Variants in WDR75 observed in about 807,000 individuals in gnomAD.
WDR75 encodes WD repeat-containing protein 75.
In WDR75, 52 loss-of-function variants were observed where a neutral mutation model predicts 106.1. The ratio of observed to expected loss-of-function variants is 0.49; its 90% CI spans 0.39 to 0.62. WDR75 has a LOEUF of 0.62. WDR75 is among the 20% of genes least tolerant of loss of function. The pLI, the probability that WDR75 is intolerant of heterozygous loss-of-function variation, is 0.00. For synonymous variants in WDR75, 333 were observed against 335.5 expected (o/e 0.99, Z 0.08); for missense variants, 905 against 970.3 (o/e 0.93, Z 0.89).
intron 15 of WDR75, 79 bp downstream of exon 15, chr2:189,468,648 G>C: frequency 7.1e-7 from 1 of 1,412,346 alleles, no homozygotes; most frequent in Non-Finnish European, 1.0e-6. Context: ...TTAGGACTTA[G>C]GGATCATATC....
intron 3 of WDR75, 111 bp downstream of exon 3, chr2:189,451,079 A>G (rs775136502): frequency 7.7e-7 from 1 of 1,302,720 alleles, no homozygotes; most frequent in Non-Finnish European, 9.9e-7. Context: ...CTTCCTAAAC[A>G]AGTTACAAAA....
chr2:189,466,279 A>C, intron 12 of WDR75, 146 bp from the exon 13 acceptor site: 1 of 841,822 alleles, frequency 1.2e-6, no homozygotes, highest in Non-Finnish European at 1.9e-6. Flanking sequence ...CATTAGAGGT[A>C]GAGCACTCAA....
At chr2:189,467,903 A>G (rs934697608) in intron 14 of WDR75, among the ~76,000 whole-genome samples, 1 of 152,150 alleles carries the variant, frequency 6.6e-6, no homozygotes, top group African/African-American at 2.4e-5. Context: ...CTGAATGGTA[A>G]CAGAAGCTAT....
chr2:189,457,959 T>C (rs1034227702), intron 6 of WDR75, among the ~76,000 whole-genome samples: 17 of 136,006 alleles, frequency 1.2e-4, no homozygotes, highest in Non-Finnish European at 7.7e-5. Flanking sequence ...GGAGTCTTGC[T>C]CTGTCGCCCA....
rs771231536 is a variant in WDR75, at chr2:189,451,787, G to A, written c.283-18G>A. On this transcript the variant is annotated intron_variant, in intron 3 of 20. Transcript: ENST00000314761. Reference sequence around the variant, plus strand: ...GAGGGAACAGACAGTAAACACTATGGTGCTCTTTATCTTTCAGACTTTCAT... The same window carrying A: ...GAGGGAACAGACAGTAAACACTATGATGCTCTTTATCTTTCAGACTTTCAT... 3 of 1,602,722 alleles carry A rather than the reference G, an allele frequency of 1.9e-6. No homozygotes were observed. Among genetic ancestry groups the A allele is most frequent in the African/African-American group, 2.7e-5 (2 of 74,642 alleles).
chr2:189,455,649 C>T (rs555860959), intron 5 of WDR75: 20 of 507,288 alleles, frequency 3.9e-5, no homozygotes, highest in South Asian at 3.9e-4. Context: ...GTGTTCTGTC[C>T]TATTGCCTTT....
Position 189,462,545 on chromosome 2 carries a change from G to C in WDR75, c.840G>C (p.Glu280Asp). 1 of 1,614,084 alleles carries C rather than the reference G, an allele frequency of 6.2e-7. No homozygotes were observed. The highest frequency in any genetic ancestry group is 1.7e-5 in the Admixed American group (1 of 60,010). Residue 280 changes from glutamate to aspartate, a missense_variant, in exon 9 of 21, where the codon GAG becomes GAC. Coordinates refer to ENST00000314761, the MANE Select transcript of WDR75 (RefSeq NM_032168.3). ...SVLVEWRDAT[E>D]KNKEFLPRLG... ...TTGTAGAGTGGCGCGATGCAACAGA[G>C]AAGAATAAGGAGTTTCTCCCGCGTT...
intron 10 of WDR75, 23 bp downstream of exon 10, chr2:189,463,776 T>C (rs751072597): frequency 4.5e-5 from 72 of 1,613,694 alleles, no homozygotes; most frequent in Non-Finnish European, 5.9e-5. Context: ...TCAGTGGATT[T>C]GGAATCATGA....
chr2:189,441,672 C>T, intron 1 of WDR75, 94 bp downstream of exon 1: 1 of 1,405,098 alleles, frequency 7.1e-7, no homozygotes, highest in African/African-American at 1.4e-5. Context: ...TCGGACTCGC[C>T]CGCCTGGCGG....
intron 8 of WDR75, among the ~76,000 whole-genome samples, chr2:189,461,736 T>C (rs1686886818): frequency 6.6e-6 from 1 of 152,208 alleles, no homozygotes; most frequent in Non-Finnish European, 1.5e-5. Context: ...CTTAAGCCTT[T>C]CTGGTTTCAT....
At chr2:189,461,699 G>A (rs1162381656) in intron 8 of WDR75, among the ~76,000 whole-genome samples, 2 of 152,112 alleles carry the variant, frequency 1.3e-5, no homozygotes, top group African/African-American at 4.8e-5. Flanking sequence ...TGTGAACATG[G>A]AAGTGATTAT....
rs773000970 is a variant in WDR75, at chr2:189,469,385, G to A, written c.1765G>A (p.Asp589Asn). The A allele has an allele frequency of 1.1e-5, 17 of 1,613,436 alleles. No individual in the cohort carries two copies. The highest frequency in any genetic ancestry group is 7.7e-5 in the South Asian group (7 of 91,066). The change falls in exon 16 of 21, where the codon GAT (aspartate) becomes AAT (asparagine). Residue 589 changes from aspartate to asparagine, a missense_variant. Transcript: ENST00000314761. ...ATTAAATGTTAGAGTTATGGAACCCGATCCTAATTCAGAGAATATTGCTGC... is the reference window on the plus strand; with the variant it reads ...ATTAAATGTTAGAGTTATGGAACCCAATCCTAATTCAGAGAATATTGCTGC... ...AKLNVRVMEP[D>N]PNSENIAAIS...
At chr2:189,449,146 A>C in intron 2 of WDR75, 1 of 791,850 alleles carries the variant, frequency 1.3e-6, no homozygotes, top group Non-Finnish European at 1.8e-6. Context: ...TGGTCATGTT[A>C]ATTCTGTTCT....
chr2:189,455,073 G>A (rs1290072242), intron 4 of WDR75, among the ~76,000 whole-genome samples: 1 of 151,604 alleles, frequency 6.6e-6, no homozygotes, highest in Admixed American at 6.6e-5. Context: ...GAACCCCATC[G>A]CCACTAAAAA....
intron 1 of WDR75, among the ~76,000 whole-genome samples, chr2:189,442,212 G>C (rs1686387696): frequency 6.6e-6 from 1 of 151,966 alleles, no homozygotes; most frequent in Non-Finnish European, 1.5e-5. Context: ...ACAATATTTA[G>C]TTCATCTCAC....
chr2:189,446,054 C>T (rs1286662604), intron 1 of WDR75, among the ~76,000 whole-genome samples: 2 of 152,142 alleles, frequency 1.3e-5, no homozygotes, highest in African/African-American at 2.4e-5. Context: ...ACCACTGTCT[C>T]AAGGAAGCCA....
chr2:189,474,169 G>C lies in WDR75; in HGVS notation c.2050-17G>C. On this transcript the variant is annotated splice_polypyrimidine_tract_variant and intron_variant, in intron 18 of 20. Transcript: ENST00000314761. Reference sequence around the variant, plus strand: ...CTTTTTTCTGAAATAATTTCTCTTTGTCTTAAATCCTTAAAGCTGCTAGCA... The same window carrying C: ...CTTTTTTCTGAAATAATTTCTCTTTCTCTTAAATCCTTAAAGCTGCTAGCA... The C allele has an allele frequency of 6.2e-7, 1 of 1,600,954 alleles. No homozygotes were observed.
At chr2:189,444,374 G>A (rs1686449907) in intron 1 of WDR75, among the ~76,000 whole-genome samples, 1 of 152,074 alleles carries the variant, frequency 6.6e-6, no homozygotes, top group African/African-American at 2.4e-5. Flanking sequence ...TGTTCTGAGG[G>A]GCATGTGGGT....
At chr2:189,444,864 A>G (rs1686461920) in intron 1 of WDR75, among the ~76,000 whole-genome samples, 1 of 152,134 alleles carries the variant, frequency 6.6e-6, no homozygotes, top group African/African-American at 2.4e-5. Flanking sequence ...GTATATAATC[A>G]TACCATTTCC....
Sources: gnomAD v4.1 joint callset for allele counts (sites outside exome capture counted in the v4.1 genomes callset) on GRCh38, gnomAD v4.1.1 for gene constraint, MANE v1.5 for transcripts, NCBI Gene and HGNC (gene_info 2026-07-23, HGNC 2026-07-21) for gene names.